AKAP13: variants seen among roughly 807,000 people sequenced by gnomAD.
AKAP13 encodes A-kinase anchor protein 13.
A neutral mutation model predicts 264.5 loss-of-function variants in AKAP13; 80 were observed. The observed-to-expected ratio is 0.30, with a 90% CI of 0.25 to 0.36. AKAP13 has a LOEUF of 0.36. Among genes scored for constraint, AKAP13 ranks in the 10% least tolerant of loss-of-function variants. The pLI is 1.00. For missense variants in AKAP13, 3,712 were observed against 3,435.2 expected (o/e 1.08, Z -2.01); for synonymous variants, 1,380 against 1,250.2 (o/e 1.10, Z -2.19).
intron 1 of AKAP13, among the ~76,000 whole-genome samples, chr15:85,464,355 T>C (rs1023724783): frequency 6.6e-6 from 1 of 152,230 alleles, no homozygotes; most frequent in Admixed American, 6.5e-5. Context: ...CTCCAGAGTT[T>C]ATAACTTTTG....
intron 8 of AKAP13, among the ~76,000 whole-genome samples, chr15:85,619,176 A>C (rs1480717153): frequency 1.3e-5 from 2 of 151,902 alleles, no homozygotes; most frequent in African/African-American, 4.8e-5. Context: ...GAGGAAGAAG[A>C]AGCGGGTTGG....
chr15:85,736,387 G>A (rs2151766911), intron 33 of AKAP13, among the ~76,000 whole-genome samples: 1 of 151,818 alleles, frequency 6.6e-6, no homozygotes, highest in South Asian at 2.1e-4. Context: ...TCGTTTCTTT[G>A]ATTCTCTGTC....
Position 85,724,136 on chromosome 15 carries a change from G to A in AKAP13, c.6745+816G>A, listed in dbSNP as rs1235943114. Among the ~76,000 whole-genome samples the A allele has an allele frequency of 1.7e-4, 26 of 152,202 alleles. No individual in the cohort carries two copies. Among genetic ancestry groups the A allele is most frequent in the Non-Finnish European group, 1.0e-4 (7 of 68,034 alleles). On this transcript the variant is annotated intron_variant, in intron 26 of 36. Coordinates refer to ENST00000394518, the MANE Select transcript of AKAP13 (RefSeq NM_007200.5). This position sits in a 1 kb window ranked among gnomAD's most constrained non-coding sequence, Gnocchi z 4.2. ...CAGTACTGTCAGCCTCACTGGCATA[G>A]AAAGAAGGTGGAGGAAATGGGTGCT...
At chr15:85,627,055 CA>C (rs1227361374) in intron 8 of AKAP13, among the ~76,000 whole-genome samples, 2 of 152,110 alleles carry the variant, frequency 1.3e-5, no homozygotes, top group African/African-American at 4.8e-5. Flanking sequence ...ATGAGCTTTC[CA>C]AACCACCCCA....
At position 85,719,701 on chromosome 15, in the gene AKAP13, G is replaced by T. The variant is rs561904415; in HGVS notation, c.6252+375G>T. ...CTGTAATCCCAGCACTTTGGGAGAT[G>T]AGGAGGGCGGATCACTTGAGGTCAG... On this transcript the variant is annotated intron_variant, in intron 23 of 36. Coordinates refer to ENST00000394518, the MANE Select transcript of AKAP13 (RefSeq NM_007200.5). 3.3e-5 allele frequency among the ~76,000 whole-genome samples: 5 copies of T among 152,106 alleles called. No homozygotes were observed. The South Asian group carries it at 1.0e-3, about 32-fold the overall frequency.
chr15:85,578,835 A>G, intron 6 of AKAP13, 95 bp from the exon 7 acceptor site: 1 of 1,124,310 alleles, frequency 8.9e-7, no homozygotes, highest in Non-Finnish European at 1.3e-6. Flanking sequence ...GCTAGAATAG[A>G]AGTGAGTTCT....
At chr15:85,508,694 A>G (rs566553839) in intron 2 of AKAP13, among the ~76,000 whole-genome samples, 20 of 151,954 alleles carry the variant, frequency 1.3e-4, no homozygotes, top group Non-Finnish European at 1.9e-4. Flanking sequence ...TTAGCATCAC[A>G]CTAAAAAAGA....
intron 2 of AKAP13, among the ~76,000 whole-genome samples, chr15:85,506,076 C>A (rs888906319): frequency 6.6e-6 from 1 of 152,162 alleles, no homozygotes; most frequent in Non-Finnish European, 1.5e-5. Context: ...GTGGGCGGAT[C>A]ACTTGAGGTC....
intron 16 of AKAP13, chr15:85,693,007 A>G (rs1013148288): frequency 5.4e-6 from 2 of 368,630 alleles, no homozygotes; most frequent in African/African-American, 2.2e-5. Context: ...GTCCTTGGGT[A>G]TTGTGTCTGT....
At chr15:85,597,116 T>G (rs1275040502) in intron 8 of AKAP13, among the ~76,000 whole-genome samples, 1 of 152,222 alleles carries the variant, frequency 6.6e-6, no homozygotes, top group East Asian at 1.9e-4. Context: ...TTAGAGGTCT[T>G]TTCTATTTAT....
intron 8 of AKAP13, among the ~76,000 whole-genome samples, chr15:85,596,956 A>C (rs2079847867): frequency 6.6e-6 from 1 of 152,198 alleles, no homozygotes; most frequent in South Asian, 2.1e-4. Flanking sequence ...GGAGAGGCTA[A>C]GTAGTTAAAA....
chr15:85,741,811 G>A (rs938269363), intron 35 of AKAP13, among the ~76,000 whole-genome samples: 3 of 151,916 alleles, frequency 2.0e-5, no homozygotes, highest in Non-Finnish European at 4.4e-5. Context: ...TTGGGAGGCC[G>A]AGGCAGGTGG....
At chr15:85,674,552 A>G (rs1040575137) in intron 14 of AKAP13, among the ~76,000 whole-genome samples, 1 of 152,202 alleles carries the variant, frequency 6.6e-6, no homozygotes, top group Non-Finnish European at 1.5e-5. Context: ...TGCTTATGGC[A>G]TGTGAGTTTG....
At chr15:85,472,756 A>T (rs1323077223) in intron 1 of AKAP13, among the ~76,000 whole-genome samples, 1 of 152,240 alleles carries the variant, frequency 6.6e-6, no homozygotes, top group Non-Finnish European at 1.5e-5. Flanking sequence ...AATAAAAAAT[A>T]AGGTTGTCAT....
At chr15:85,688,116 T>C (rs2085055897) in intron 16 of AKAP13, among the ~76,000 whole-genome samples, 2 of 152,086 alleles carry the variant, frequency 1.3e-5, no homozygotes, top group African/African-American at 4.8e-5. Context: ...ACCCTCACTC[T>C]GCTATGTATC....
rs146553883 is a variant in AKAP13, at chr15:85,664,599, C to T, written c.4836C>T (p.Val1612=). 16 of 1,613,112 alleles carry T rather than the reference C, an allele frequency of 9.9e-6. No homozygotes were observed. The African/African-American group carries it at 1.1e-4, about 11-fold the overall frequency. Residue 1612 remains valine (V), a synonymous_variant, in exon 13 of 37, where the codon GTC becomes GTT. Coordinates refer to ENST00000394518, the MANE Select transcript of AKAP13 (RefSeq NM_007200.5). The stretch of plus-strand genomic sequence containing the variant: ...AAGGCTTGACAGGAGGAGCTGGTGT[C>T]GGAAACAAGCCATCCTCATCTCTAG... ...SLEGLTGGAG[V]GNKPSSSLEV... is the part of the protein sequence containing the mutation.
chr15:85,722,442 T>G, intron 25 of AKAP13, 95 bp downstream of exon 25: 1 of 1,027,632 alleles, frequency 9.7e-7, no homozygotes, highest in African/African-American at 1.6e-5. Context: ...TATTTCATGC[T>G]TTAGTATGTC....
At chr15:85,411,256 GC>G (rs2071950097) in intron 1 of AKAP13, among the ~76,000 whole-genome samples, 1 of 152,148 alleles carries the variant, frequency 6.6e-6, no homozygotes, top group Non-Finnish European at 1.5e-5. Flanking sequence ...GAGAAATAAT[GC>G]CAGTTCCACT....
intron 8 of AKAP13, among the ~76,000 whole-genome samples, chr15:85,618,949 G>A (rs370399924): frequency 5.3e-5 from 8 of 152,138 alleles, no homozygotes; most frequent in South Asian, 2.1e-4. Context: ...CATTTTTCTC[G>A]TGTTAAATCA....
Sources: gnomAD v4.1 joint callset for allele counts (sites outside exome capture counted in the v4.1 genomes callset) on GRCh38, gnomAD v4.1.1 for gene constraint, Gnocchi (gnomAD v3.1) non-coding constraint, MANE v1.5 for transcripts, NCBI Gene and HGNC (gene_info 2026-07-23, HGNC 2026-07-21) for gene names.